The following MARCHF1 variants were observed in gnomAD, a reference collection of about 807,000 sequenced individuals.
The protein encoded by MARCHF1 is membrane associated ring-CH-type finger 1.
A neutral mutation model predicts 54.2 loss-of-function variants in MARCHF1; 40 were observed. The ratio of observed to expected loss-of-function variants is 0.74; its 90% confidence interval spans 0.57 to 0.96. MARCHF1 has a LOEUF of 0.96. MARCHF1 is among the 40% of genes least tolerant of loss of function. The probability of loss-of-function intolerance (pLI) is 0.00; values close to 1 mark genes in which losing one functional copy is unlikely to be tolerated. For missense variants in MARCHF1, 586 were observed against 656.5 expected (o/e 0.89, Z 1.17); for synonymous variants, 236 against 236.3 (o/e 1.00, Z 0.01).
intron 3 of MARCHF1, among the ~76,000 whole-genome samples, chr4:163,871,563 G>T (rs897352080): frequency 6.6e-6 from 1 of 152,120 alleles, no homozygotes; most frequent in African/African-American, 2.4e-5. Flanking sequence ...AAAGTGAAAG[G>T]TAGAATATAA....
intron 4 of MARCHF1, among the ~76,000 whole-genome samples, chr4:163,720,066 C>G (rs945863986): frequency 9.9e-5 from 15 of 152,058 alleles, no homozygotes; most frequent in Admixed American, 9.8e-4. Flanking sequence ...CTTTTGTTGC[C>G]ATTGCTTTTG....
At chr4:164,226,886 C>A (rs1247364694) in intron 1 of MARCHF1, among the ~76,000 whole-genome samples, 3 of 151,924 alleles carry the variant, frequency 2.0e-5, no homozygotes, top group Non-Finnish European at 4.4e-5. Flanking sequence ...ATGAAAATAC[C>A]AAAATGCAGG....
At chr4:164,122,330 C>G (rs1756085343) in intron 1 of MARCHF1, among the ~76,000 whole-genome samples, 2 of 152,064 alleles carry the variant, frequency 1.3e-5, no homozygotes, top group Admixed American at 1.3e-4. Flanking sequence ...TCCTTTCTAA[C>G]TAAGAGTAGC....
intron 1 of MARCHF1, among the ~76,000 whole-genome samples, chr4:164,359,786 T>TAAACAC (rs1187014549): frequency 6.6e-6 from 1 of 152,142 alleles, no homozygotes; most frequent in Non-Finnish European, 1.5e-5. Context: ...CTACCACCTG[T>TAAACAC]AAGTCCATCT....
intron 1 of MARCHF1, among the ~76,000 whole-genome samples, chr4:164,266,452 T>C (rs994992558): frequency 1.3e-5 from 2 of 152,198 alleles, no homozygotes; most frequent in Non-Finnish European, 2.9e-5. Context: ...GTAATACTTA[T>C]TGTAGACTCA....
chr4:163,800,308 GTT>G, intron 4 of MARCHF1, among the ~76,000 whole-genome samples: 1 of 151,924 alleles, frequency 6.6e-6, no homozygotes, highest in East Asian at 1.9e-4. Context: ...TTAACCTGAT[GTT>G]TTAATTTTTA....
Position 163,566,006 on chromosome 4 carries a change from T to G in MARCHF1, c.1191+19743A>C, listed in dbSNP as rs142731384. ...AAGCCTCAAAGACAAAGCCTGTTTT[T>G]GAAAACCTACATTATTGAACATGCT... On this transcript the variant is annotated intron_variant, in intron 8 of 9. Transcript: ENST00000514618. 3.4e-4 allele frequency among the ~76,000 whole-genome samples: 52 copies of G among 152,332 alleles called. No homozygotes were observed. The East Asian group carries it at 8.5e-3, about 25-fold the overall frequency.
chr4:164,363,461 G>A (rs566105608), intron 1 of MARCHF1, among the ~76,000 whole-genome samples: 7 of 152,120 alleles, frequency 4.6e-5, no homozygotes, highest in African/African-American at 1.7e-4. Flanking sequence ...AACTATAACT[G>A]GCAGATTTTC....
chr4:163,648,533 G>A (rs1176593248), intron 5 of MARCHF1, among the ~76,000 whole-genome samples: 1 of 149,802 alleles, frequency 6.7e-6, no homozygotes. Context: ...TTGTGAAGAC[G>A]TTATTCACTT....
chr4:163,593,774 A>G (rs1231356508), intron 7 of MARCHF1, among the ~76,000 whole-genome samples: 1 of 152,244 alleles, frequency 6.6e-6, no homozygotes, highest in Non-Finnish European at 1.5e-5. Flanking sequence ...GCCTTTGCAT[A>G]TGAATTCTTC....
intron 1 of MARCHF1, among the ~76,000 whole-genome samples, chr4:164,179,085 CAT>C (rs1337870108): frequency 3.3e-5 from 5 of 152,178 alleles, no homozygotes; most frequent in African/African-American, 1.2e-4. Flanking sequence ...TTCTCCTCCT[CAT>C]ACTGTTGCTG....
At chr4:163,944,713 G>A (rs1019354721) in intron 3 of MARCHF1, among the ~76,000 whole-genome samples, 3 of 152,160 alleles carry the variant, frequency 2.0e-5, no homozygotes, top group African/African-American at 7.2e-5. Flanking sequence ...TAATAGAAAT[G>A]TAACATTCTA....
At chr4:163,583,144 G>A (rs781091576) in intron 8 of MARCHF1, among the ~76,000 whole-genome samples, 1 of 152,178 alleles carries the variant, frequency 6.6e-6, no homozygotes, top group Non-Finnish European at 1.5e-5. Flanking sequence ...GGATCAGAAA[G>A]AGAGGGAAGG....
chr4:164,351,917 G>C (rs1436110951), intron 1 of MARCHF1, among the ~76,000 whole-genome samples: 1 of 150,844 alleles, frequency 6.6e-6, no homozygotes. Context: ...AGTGCTTAAA[G>C]GAGCTGATGG....
chr4:164,126,623 G>A (rs1429405577), intron 1 of MARCHF1, among the ~76,000 whole-genome samples: 1 of 152,194 alleles, frequency 6.6e-6, no homozygotes, highest in South Asian at 2.1e-4. Flanking sequence ...GCTCTGAATA[G>A]ATTAAGGGTG....
intron 9 of MARCHF1, among the ~76,000 whole-genome samples, chr4:163,536,391 T>C (rs1738529873): frequency 6.6e-6 from 1 of 152,186 alleles, no homozygotes; most frequent in Admixed American, 6.5e-5. Context: ...TCCCTGCTTC[T>C]ATGTGTCTAC....
intron 5 of MARCHF1, among the ~76,000 whole-genome samples, chr4:163,662,900 G>A (rs1743394169): frequency 6.6e-6 from 1 of 151,908 alleles, no homozygotes; most frequent in Non-Finnish European, 1.5e-5. Flanking sequence ...CACCACTAAG[G>A]ATGCGACTGT....
chr4:164,091,433 T>TATATATAA (rs1006610249), intron 2 of MARCHF1, among the ~76,000 whole-genome samples: 7 of 146,980 alleles, frequency 4.8e-5, no homozygotes, highest in Non-Finnish European at 7.5e-5. Flanking sequence ...TATATATGTA[T>TATATATAA]AAAATGAATT....
intron 7 of MARCHF1, among the ~76,000 whole-genome samples, chr4:163,611,379 C>T (rs1409964356): frequency 6.6e-6 from 1 of 152,048 alleles, no homozygotes; most frequent in Non-Finnish European, 1.5e-5. Flanking sequence ...ACGTAATTCA[C>T]ACGAACATGC....
Sources: gnomAD v4.1 joint callset for allele counts (sites outside exome capture counted in the v4.1 genomes callset) on GRCh38, gnomAD v4.1.1 for gene constraint, MANE v1.5 for transcripts, NCBI Gene and HGNC (gene_info 2026-07-23, HGNC 2026-07-21) for gene names.